The following KLHL3 variants were observed in gnomAD, a reference collection of about 807,000 sequenced individuals.
KLHL3 encodes the protein kelch-like protein 3.
KLHL3 carries 19 observed loss-of-function variants against 70.5 expected under a neutral mutation model. That is an observed-to-expected ratio of 0.27 (90% CI 0.19 to 0.40). KLHL3 has a LOEUF of 0.40. KLHL3 is among the 10% of genes least tolerant of loss of function. KLHL3 has a pLI of 1.00. For synonymous variants in KLHL3, 258 were observed against 290.3 expected, an observed-to-expected ratio of 0.89 and a Z score of 1.13; for missense variants, 512 against 771.1, an observed-to-expected ratio of 0.66 and a Z score of 3.98.
chr5:137,723,739 G>C (rs1319828757), intron 1 of KLHL3, among the ~76,000 whole-genome samples: 2 of 152,122 alleles, frequency 1.3e-5, no homozygotes, highest in Non-Finnish European at 1.5e-5. Flanking sequence ...GTTTGCACTG[G>C]CTAGGATGGC....
chr5:137,646,420 C>T (rs1751046959), intron 8 of KLHL3, among the ~76,000 whole-genome samples: 1 of 152,160 alleles, frequency 6.6e-6, no homozygotes, highest in South Asian at 2.1e-4. Flanking sequence ...ATACATGGAG[C>T]ACTACACCCA....
At chr5:137,675,746 A>G (rs1051067030) in intron 6 of KLHL3, among the ~76,000 whole-genome samples, 1 of 152,188 alleles carries the variant, frequency 6.6e-6, no homozygotes, top group Admixed American at 6.5e-5. Flanking sequence ...AAAACTTTCT[A>G]TGATCTCAAG....
rs752220407 is a variant in KLHL3, at chr5:137,677,588, C to G, written c.593G>C (p.Ser198Thr). The G allele has an allele frequency of 1.4e-5, 23 of 1,610,362 alleles. No homozygotes were observed. The highest frequency in any genetic ancestry group is 1.8e-5 in the Non-Finnish European group (21 of 1,178,388). ...GGTCAGCTTGTCGCTGGATATCAAG[C>G]TGCACACCTGGTCCAGACTCAGGCT... ...FLSLSLDQVC[S>T]LISSDKLTVS... is the part of the protein sequence containing the mutation. The change falls in exon 6 of 15, where the codon AGC becomes ACC. Residue 198 changes from serine to threonine, a missense_variant. Ser to Thr is a moderately conservative substitution (Grantham distance 58). Transcript: ENST00000309755.
chr5:137,665,483 A>G (rs1244095422), intron 6 of KLHL3, among the ~76,000 whole-genome samples: 3 of 152,238 alleles, frequency 2.0e-5, no homozygotes, highest in Non-Finnish European at 4.4e-5. Context: ...GATTAAGCAA[A>G]ATGAAAGATT....
intron 8 of KLHL3, among the ~76,000 whole-genome samples, chr5:137,642,179 C>T (rs1312850043): frequency 1.3e-5 from 2 of 152,186 alleles, no homozygotes; most frequent in East Asian, 3.8e-4. Flanking sequence ...AAGGAAAATA[C>T]TGCAAGGATT....
intron 8 of KLHL3, among the ~76,000 whole-genome samples, chr5:137,657,019 C>T (rs1751360239): frequency 6.6e-6 from 1 of 152,182 alleles, no homozygotes; most frequent in Non-Finnish European, 1.5e-5. Flanking sequence ...TAAAGGTTAG[C>T]TGCTTGTATT....
At chr5:137,721,966 G>T (rs74701551) in intron 1 of KLHL3, among the ~76,000 whole-genome samples, 33 of 152,328 alleles carry the variant, frequency 2.2e-4, no homozygotes, top group African/African-American at 7.7e-4. Context: ...CAGGAGTAGT[G>T]TGAGACCTTG....
intron 8 of KLHL3, among the ~76,000 whole-genome samples, chr5:137,657,349 TCCC>T (rs1354752577): frequency 2.0e-5 from 3 of 152,082 alleles, no homozygotes; most frequent in Non-Finnish European, 4.4e-5. Context: ...ACTGATTCCT[TCCC>T]CCAGACATCA....
chr5:137,705,079 T>C (rs1752659521), intron 3 of KLHL3, among the ~76,000 whole-genome samples: 2 of 152,314 alleles, frequency 1.3e-5, no homozygotes, highest in African/African-American at 4.8e-5. Context: ...AGACCCTATC[T>C]ACTACCACTA....
At chr5:137,637,233 G>A in intron 11 of KLHL3, 61 bp downstream of exon 11, 3 of 1,361,960 alleles carry the variant, frequency 2.2e-6, no homozygotes, top group South Asian at 1.2e-5. Context: ...CATGATGCTG[G>A]ACCCAGGACA....
chr5:137,735,217 G>C (rs1309937455), intron 1 of KLHL3, among the ~76,000 whole-genome samples: 1 of 152,158 alleles, frequency 6.6e-6, no homozygotes, highest in Non-Finnish European at 1.5e-5. Flanking sequence ...AGTACACTAT[G>C]TCAGGTCAGC....
intron 14 of KLHL3, among the ~76,000 whole-genome samples, chr5:137,624,107 A>G (rs1715967629): frequency 6.6e-6 from 1 of 152,240 alleles, no homozygotes; most frequent in Non-Finnish European, 1.5e-5. Flanking sequence ...CCCTCATGTC[A>G]GACATTAAGT....
chr5:137,683,537 T>G (rs1403193242), intron 5 of KLHL3, among the ~76,000 whole-genome samples: 1 of 152,110 alleles, frequency 6.6e-6, no homozygotes. Flanking sequence ...AGGCTCACAG[T>G]TTCTCTGCTC....
intron 6 of KLHL3, among the ~76,000 whole-genome samples, chr5:137,673,475 C>T (rs757647177): frequency 4.6e-5 from 7 of 152,006 alleles, no homozygotes; most frequent in Non-Finnish European, 8.8e-5. Context: ...TGTGTGACTC[C>T]CATCACATCC....
At chr5:137,656,906 G>A (rs1285139698) in intron 8 of KLHL3, among the ~76,000 whole-genome samples, 1 of 152,232 alleles carries the variant, frequency 6.6e-6, no homozygotes, top group Admixed American at 6.5e-5. Flanking sequence ...TAACTTCTCT[G>A]AAACTCAGTT....
intron 2 of KLHL3, among the ~76,000 whole-genome samples, chr5:137,716,149 T>A (rs1245977020): frequency 1.3e-5 from 2 of 152,000 alleles, no homozygotes; most frequent in African/African-American, 4.8e-5. Flanking sequence ...CCACTTAATA[T>A]TGTAGAACAG....
chr5:137,725,149 C>A, intron 1 of KLHL3: 1 of 665,002 alleles, frequency 1.5e-6, no homozygotes, highest in Non-Finnish European at 1.9e-6. Context: ...GTTCTTATTT[C>A]CAAATAAGGC....
chr5:137,720,927 T>C, intron 1 of KLHL3: 2 of 1,041,818 alleles, frequency 1.9e-6, no homozygotes, highest in Non-Finnish European at 2.3e-6. Flanking sequence ...AACAAGCATT[T>C]ACTGGAGGCT....
intron 6 of KLHL3, among the ~76,000 whole-genome samples, chr5:137,665,912 A>G (rs1303433887): frequency 6.6e-6 from 1 of 152,212 alleles, no homozygotes; most frequent in Non-Finnish European, 1.5e-5. Context: ...AAAGGAAAGG[A>G]GTAGTATGTA....
Sources: gnomAD v4.1 joint callset for allele counts (sites outside exome capture counted in the v4.1 genomes callset) on GRCh38, gnomAD v4.1.1 for gene constraint, MANE v1.5 for transcripts, NCBI Gene and HGNC (gene_info 2026-07-23, HGNC 2026-07-21) for gene names.